PCDHA5: variants seen among roughly 807,000 people sequenced by gnomAD.
PCDHA5 encodes the protein protocadherin alpha-5.
In PCDHA5, 43 loss-of-function variants were observed where a neutral mutation model predicts 61.6. The ratio of observed to expected loss-of-function variants is 0.70; its 90% CI spans 0.55 to 0.90. The LOEUF (loss-of-function observed/expected upper bound fraction) is 0.90. PCDHA5 is among the 40% of genes least tolerant of loss of function. The pLI, the probability that PCDHA5 is intolerant of heterozygous loss-of-function variation, is 0.00. For synonymous variants in PCDHA5, 627 were observed against 543.9 expected (o/e 1.15, Z -2.13); for missense variants, 1,298 against 1,222.7 (o/e 1.06, Z -0.92).
At chr5:140,971,715 T>C (rs2096493906) in intron 1 of PCDHA5, among the ~76,000 whole-genome samples, 1 of 152,048 alleles carries the variant, frequency 6.6e-6, no homozygotes. Context: ...TATATAGATA[T>C]ATGTATATCA....
At chr5:140,834,577 G>C (rs1554134334) in intron 1 of PCDHA5, 2 of 1,614,058 alleles carry the variant, frequency 1.2e-6, no homozygotes, top group Non-Finnish European at 1.7e-6. Context: ...CGCCTGTTCC[G>C]GGCGGTGTGC....
chr5:140,923,242 C>T (rs1302368115), intron 1 of PCDHA5, among the ~76,000 whole-genome samples: 1 of 151,762 alleles, frequency 6.6e-6, no homozygotes, highest in Non-Finnish European at 1.5e-5. Flanking sequence ...AAGTTTGAGA[C>T]CAGCTGGGCA....
At chr5:140,969,131 A>C in intron 1 of PCDHA5, 1 of 1,614,138 alleles carries the variant, frequency 6.2e-7, no homozygotes, top group African/African-American at 1.3e-5. Flanking sequence ...CTCCCTCACC[A>C]AGACCTACTG....
intron 1 of PCDHA5, chr5:140,824,890 A>G (rs995906531): frequency 2.0e-5 from 3 of 151,970 alleles, no homozygotes; most frequent in African/African-American, 7.3e-5. Context: ...GTTTATTTCA[A>G]CTTTGCCTAA....
At chr5:140,903,800 A>T (rs2070614237) in intron 1 of PCDHA5, among the ~76,000 whole-genome samples, 1 of 152,178 alleles carries the variant, frequency 6.6e-6, no homozygotes, top group African/African-American at 2.4e-5. Context: ...GTTGTAATTG[A>T]CAAGTATAGT....
At position 140,823,946 on chromosome 5, in the gene PCDHA5, C is replaced by A; in HGVS notation, c.2171C>A (p.Ala724Glu). 1 of 1,613,970 alleles carries A rather than the reference C, an allele frequency of 6.2e-7. No individual in the cohort carries two copies. Among genetic ancestry groups the A allele is most frequent in the Non-Finnish European group, 8.5e-7 (1 of 1,179,984 alleles). ...LLLYTALRCS[A>E]QPTEAVCTRG... ...CTGTACACCGCGCTGCGGTGCTCGG[C>A]GCAGCCCACCGAGGCCGTGTGCACA... Residue 724 changes from alanine (A) to glutamate (E), a missense_variant, in exon 1 of 4, where the codon GCG becomes GAG. Transcript: ENST00000529859.
intron 1 of PCDHA5, chr5:140,848,965 C>G: frequency 6.2e-7 from 1 of 1,606,280 alleles, no homozygotes; most frequent in Non-Finnish European, 8.5e-7. Context: ...CTAGAGGGCG[C>G]GTCCGATGCA....
intron 1 of PCDHA5, chr5:140,830,319 G>A: frequency 6.2e-7 from 1 of 1,614,036 alleles, no homozygotes; most frequent in Non-Finnish European, 8.5e-7. Context: ...GTGTGCTCCA[G>A]CGCAGTGGGG....
At chr5:140,869,882 T>C (rs1181573683) in intron 1 of PCDHA5, 1 of 1,610,250 alleles carries the variant, frequency 6.2e-7, no homozygotes, top group African/African-American at 1.3e-5. Flanking sequence ...AAAGAAACTC[T>C]TGTGCTCAAA....
chr5:140,930,668 T>C (rs2087022080), intron 1 of PCDHA5, among the ~76,000 whole-genome samples: 1 of 152,216 alleles, frequency 6.6e-6, no homozygotes, highest in South Asian at 2.1e-4. Flanking sequence ...GTTTTACTAT[T>C]CTAGGCAATA....
intron 1 of PCDHA5, among the ~76,000 whole-genome samples, chr5:140,971,604 A>G (rs2096487974): frequency 6.6e-6 from 1 of 152,160 alleles, no homozygotes; most frequent in Admixed American, 6.5e-5. Flanking sequence ...TACAGATGGC[A>G]GGAGAGTCCT....
intron 1 of PCDHA5, among the ~76,000 whole-genome samples, chr5:140,916,018 T>C (rs550604062): frequency 6.6e-6 from 1 of 152,254 alleles, no homozygotes; most frequent in East Asian, 1.9e-4. Flanking sequence ...ACAAAGTCTT[T>C]CCCATTCTTC....
chr5:140,828,044 C>T, intron 1 of PCDHA5: 1 of 1,542,076 alleles, frequency 6.5e-7, no homozygotes, highest in Non-Finnish European at 8.7e-7. Flanking sequence ...AGTATTTTAT[C>T]TTTATGCGGA....
At chr5:140,865,937 T>A (rs529378074) in intron 1 of PCDHA5, 1 of 152,330 alleles carries the variant, frequency 6.6e-6, no homozygotes, top group South Asian at 2.1e-4. Context: ...AGAAACTTCA[T>A]GATTGTCTTC....
At chr5:140,900,673 A>T (rs936784929) in intron 1 of PCDHA5, among the ~76,000 whole-genome samples, 6 of 152,210 alleles carry the variant, frequency 3.9e-5, no homozygotes, top group African/African-American at 1.4e-4. Context: ...GAGTGCAGTT[A>T]TCTCTTCAAT....
Position 140,858,600 on chromosome 5 carries a change from TA to T in PCDHA5, c.2352+34477del, listed in dbSNP as rs1554151860. 9.3e-6 allele frequency: 12 copies of T among 1,293,864 alleles called. 1 individual carries two copies. Among genetic ancestry groups the T allele is most frequent in the Non-Finnish European group, 1.3e-5 (12 of 949,282 alleles). 80.1% of individuals were successfully genotyped at this position (1,293,864 alleles called of 1,614,324 possible). ...GTAATATAATTTATTCCAGGAGTTT[TA>T]AAATTTTTTTATCCTACCCAGTGTG... is the stretch of plus-strand genomic sequence containing the variant. On this transcript the variant is annotated intron_variant, in intron 1 of 3. Coordinates refer to ENST00000529859, the MANE Select transcript of PCDHA5 (RefSeq NM_018908.3).
intron 1 of PCDHA5, among the ~76,000 whole-genome samples, chr5:140,937,338 C>T (rs1554211545): frequency 1.3e-5 from 2 of 151,992 alleles, no homozygotes; most frequent in Non-Finnish European, 2.9e-5. Flanking sequence ...CGCCCGGCTT[C>T]TTCCATTTAT....
intron 1 of PCDHA5, chr5:140,877,431 C>A: frequency 1.2e-6 from 2 of 1,613,836 alleles, no homozygotes; most frequent in Non-Finnish European, 1.7e-6. Flanking sequence ...TGGTGAAGGA[C>A]CACGGTGAGC....
At chr5:140,893,434 C>G (rs1554185617) in intron 1 of PCDHA5, among the ~76,000 whole-genome samples, 1 of 152,042 alleles carries the variant, frequency 6.6e-6, no homozygotes, top group African/African-American at 2.4e-5. Context: ...AGGAAGATCG[C>G]TTGAAGCCAG....
Sources: gnomAD v4.1 joint callset for allele counts (sites outside exome capture counted in the v4.1 genomes callset) on GRCh38, gnomAD v4.1.1 for gene constraint, MANE v1.5 for transcripts, NCBI Gene and HGNC (gene_info 2026-07-23, HGNC 2026-07-21) for gene names.